CMSS1: variants seen among roughly 807,000 people sequenced by gnomAD.
The protein encoded by CMSS1 is protein CMSS1.
In CMSS1, 33 loss-of-function variants were observed where a neutral mutation model predicts 43.5. The ratio of observed to expected loss-of-function variants is 0.76; its 90% confidence interval spans 0.57 to 1.01. The LOEUF (loss-of-function observed/expected upper bound fraction) is 1.01. Ranked by LOEUF, CMSS1 falls within the 50% of genes least tolerant of loss-of-function variation. The probability of loss-of-function intolerance (pLI) is 0.00; values close to 1 mark genes in which losing one functional copy is unlikely to be tolerated. For missense variants in CMSS1, 313 were observed against 326.4 expected, an observed-to-expected ratio of 0.96 and a Z score of 0.32; for synonymous variants, 115 against 117.2, an observed-to-expected ratio of 0.98 and a Z score of 0.12.
chr3:100,143,235 C>G (rs1272698848), intron 1 of CMSS1, among the ~76,000 whole-genome samples: 1 of 152,158 alleles, frequency 6.6e-6, no homozygotes, highest in Non-Finnish European at 1.5e-5. Flanking sequence ...AGTTTGCTAT[C>G]TTCCTTTCTA....
intron 1 of CMSS1, among the ~76,000 whole-genome samples, chr3:100,028,282 A>G (rs753847775): frequency 6.6e-6 from 1 of 152,184 alleles, no homozygotes; most frequent in Non-Finnish European, 1.5e-5. Context: ...CAGCTAACCT[A>G]TCAAACCCAG....
intron 1 of CMSS1, among the ~76,000 whole-genome samples, chr3:99,915,231 AG>A (rs1706915278): frequency 2.6e-5 from 4 of 152,212 alleles, no homozygotes; most frequent in Admixed American, 1.3e-4. Flanking sequence ...TCATGATGAG[AG>A]ATTAATGGAA....
intron 1 of CMSS1, among the ~76,000 whole-genome samples, chr3:100,131,881 T>A (rs987395655): frequency 1.3e-5 from 2 of 152,202 alleles, no homozygotes; most frequent in Non-Finnish European, 2.9e-5. Flanking sequence ...TAAATATTTG[T>A]AAAGGTAACA....
chr3:99,870,485 G>T (rs1343353409), intron 1 of CMSS1, among the ~76,000 whole-genome samples: 1 of 152,188 alleles, frequency 6.6e-6, no homozygotes, highest in Non-Finnish European at 1.5e-5. Flanking sequence ...GCAGGGATGG[G>T]ACCATAATTG....
intron 1 of CMSS1, among the ~76,000 whole-genome samples, chr3:99,949,034 G>T (rs971478904): frequency 6.6e-6 from 1 of 152,110 alleles, no homozygotes; most frequent in Non-Finnish European, 1.5e-5. Context: ...TTATTTCCTA[G>T]CATACAGCTG....
intron 1 of CMSS1, among the ~76,000 whole-genome samples, chr3:100,132,583 G>A (rs1004238763): frequency 3.9e-5 from 6 of 152,060 alleles, no homozygotes; most frequent in Admixed American, 1.3e-4. Flanking sequence ...ACTTTGGGAG[G>A]CTGAGGCCGG....
chr3:99,914,136 T>C (rs938076010), intron 1 of CMSS1, among the ~76,000 whole-genome samples: 1 of 152,226 alleles, frequency 6.6e-6, no homozygotes, highest in Non-Finnish European at 1.5e-5. Context: ...TTCAGGACCA[T>C]GTAGGGCCAG....
At chr3:100,045,009 T>C (rs1156598793) in intron 1 of CMSS1, among the ~76,000 whole-genome samples, 1 of 152,248 alleles carries the variant, frequency 6.6e-6, no homozygotes, top group Non-Finnish European at 1.5e-5. Flanking sequence ...TAGAGAGGAC[T>C]AGATCCTAAG....
chr3:100,167,864 A>G (rs745544996), intron 6 of CMSS1, 24 bp downstream of exon 6: 2 of 1,498,238 alleles, frequency 1.3e-6, no homozygotes, highest in Non-Finnish European at 9.2e-7. Context: ...CCTATTCCAT[A>G]TCATAAATGT....
chr3:99,989,145 A>C (rs940954625), intron 1 of CMSS1, among the ~76,000 whole-genome samples: 1 of 152,234 alleles, frequency 6.6e-6, no homozygotes, highest in East Asian at 1.9e-4. Flanking sequence ...CCTAGCAACA[A>C]CTGTATGACA....
At chr3:99,912,594 T>C (rs1706827374) in intron 1 of CMSS1, among the ~76,000 whole-genome samples, 1 of 152,128 alleles carries the variant, frequency 6.6e-6, no homozygotes, top group Non-Finnish European at 1.5e-5. Context: ...CCCAGGCTGG[T>C]CTCAAACTCC....
chr3:100,130,833 A>G (rs1242561958), intron 1 of CMSS1, among the ~76,000 whole-genome samples: 1 of 152,212 alleles, frequency 6.6e-6, no homozygotes, highest in African/African-American at 2.4e-5. Flanking sequence ...GAGCATCAAG[A>G]AAGTGTATGG....
intron 6 of CMSS1, 66 bp from the exon 7 acceptor site, chr3:100,171,769 ATACT>A (rs1199151809): frequency 1.7e-6 from 2 of 1,195,146 alleles, no homozygotes; most frequent in African/African-American, 3.0e-5. Context: ...GCAAGACATA[ATACT>A]TAAGTAGTCA....
At chr3:99,940,544 T>C (rs1707820720) in intron 1 of CMSS1, among the ~76,000 whole-genome samples, 1 of 152,248 alleles carries the variant, frequency 6.6e-6, no homozygotes, top group Admixed American at 6.5e-5. Context: ...GGTCATGCCC[T>C]GAGCCAACAC....
At chr3:100,025,225 A>T (rs1243659395) in intron 1 of CMSS1, among the ~76,000 whole-genome samples, 1 of 152,170 alleles carries the variant, frequency 6.6e-6, no homozygotes, top group Non-Finnish European at 1.5e-5. Flanking sequence ...TCTTGCCACT[A>T]CACAGCCCCA....
chr3:100,066,509 C>A (rs1372712755), intron 1 of CMSS1, among the ~76,000 whole-genome samples: 4 of 114,060 alleles, frequency 3.5e-5, no homozygotes, highest in African/African-American at 1.3e-4. Flanking sequence ...ATGTGGAAGG[C>A]TTTGCTTCTT....
At chr3:99,937,812 A>G (rs149112284) in intron 1 of CMSS1, among the ~76,000 whole-genome samples, 2 of 152,350 alleles carry the variant, frequency 1.3e-5, no homozygotes, top group African/African-American at 2.4e-5. Context: ...CTGAGAATCT[A>G]CTGAAGTAGC....
intron 1 of CMSS1, among the ~76,000 whole-genome samples, chr3:99,846,873 G>T (rs1329424685): frequency 6.6e-6 from 1 of 152,174 alleles, no homozygotes; most frequent in Non-Finnish European, 1.5e-5. Flanking sequence ...TATGAGGTTA[G>T]AAAAAGGGAA....
chr3:99,993,459 T>TAAGAAATAA (rs1709583239), intron 1 of CMSS1, among the ~76,000 whole-genome samples: 2 of 152,230 alleles, frequency 1.3e-5, no homozygotes, highest in South Asian at 4.1e-4. Flanking sequence ...CCAATTTGAA[T>TAAGAAATAA]GCCTCTTATT....
Sources: gnomAD v4.1 joint callset for allele counts (sites outside exome capture counted in the v4.1 genomes callset) on GRCh38, gnomAD v4.1.1 for gene constraint, MANE v1.5 for transcripts, NCBI Gene and HGNC (gene_info 2026-07-23, HGNC 2026-07-21) for gene names.